ADGRL3: variants seen among roughly 807,000 people sequenced by gnomAD.
The protein encoded by ADGRL3 is calcium-independent alpha-latrotoxin receptor 3.
In ADGRL3, 62 loss-of-function variants were observed where a neutral mutation model predicts 153.5. The ratio of observed to expected loss-of-function variants is 0.40; its 90% CI spans 0.33 to 0.50. ADGRL3 has a LOEUF of 0.50. ADGRL3 is among the 20% of genes least tolerant of loss of function. ADGRL3 has a pLI of 0.47. For synonymous variants in ADGRL3, 710 were observed against 672.5 expected (o/e 1.06, Z -0.86); for missense variants, 1,641 against 1,859.4 (o/e 0.88, Z 2.16).
chr4:61,215,842 G>A (rs1023528375), intron 1 of ADGRL3, among the ~76,000 whole-genome samples: 1 of 151,944 alleles, frequency 6.6e-6, no homozygotes, highest in Non-Finnish European at 1.5e-5. Flanking sequence ...ATGAGCCACC[G>A]CGCTCGGCCT....
At chr4:62,032,629 T>C (rs1722741448) in intron 23 of ADGRL3, among the ~76,000 whole-genome samples, 1 of 151,664 alleles carries the variant, frequency 6.6e-6, no homozygotes, top group Non-Finnish European at 1.5e-5. Context: ...AGACTTATAA[T>C]TTTTCTTTGG....
chr4:61,299,892 A>G (rs1412426703), intron 1 of ADGRL3, among the ~76,000 whole-genome samples: 1 of 152,166 alleles, frequency 6.6e-6, no homozygotes, highest in East Asian at 1.9e-4. Context: ...AAAGTAGAAT[A>G]TACGCCATCT....
intron 2 of ADGRL3, among the ~76,000 whole-genome samples, chr4:61,383,846 G>C (rs1432477182): frequency 6.6e-6 from 1 of 151,556 alleles, no homozygotes; most frequent in Non-Finnish European, 1.5e-5. Context: ...GGCAAAACAG[G>C]CCCACATATT....
At chr4:61,770,632 A>C (rs1416705987) in intron 8 of ADGRL3, among the ~76,000 whole-genome samples, 4 of 152,154 alleles carry the variant, frequency 2.6e-5, no homozygotes, top group Non-Finnish European at 5.9e-5. Context: ...TGGGCTTTGA[A>C]TTGCTCCTAG....
chr4:61,483,425 C>G (rs1475053921), intron 2 of ADGRL3, among the ~76,000 whole-genome samples: 1 of 152,096 alleles, frequency 6.6e-6, no homozygotes, highest in Non-Finnish European at 1.5e-5. Context: ...CATAGACATT[C>G]TCTTGTGCTG....
intron 5 of ADGRL3, among the ~76,000 whole-genome samples, chr4:61,638,038 G>A (rs2093503036): frequency 6.6e-6 from 1 of 152,030 alleles, no homozygotes; most frequent in African/African-American, 2.4e-5. Context: ...TGAATCCTAA[G>A]TATTTATCTA....
chr4:61,748,839 C>G (rs2096710783), intron 8 of ADGRL3, among the ~76,000 whole-genome samples: 1 of 151,674 alleles, frequency 6.6e-6, no homozygotes, highest in Admixed American at 6.6e-5. Context: ...GCAATGGCAA[C>G]AAAAGCCAAA....
intron 6 of ADGRL3, among the ~76,000 whole-genome samples, chr4:61,716,203 G>C (rs1470287959): frequency 6.6e-6 from 1 of 151,968 alleles, no homozygotes; most frequent in African/African-American, 2.4e-5. Flanking sequence ...TCCTTCTTCT[G>C]TTATTGAAAG....
chr4:62,022,094 A>G (rs923505618), intron 21 of ADGRL3, among the ~76,000 whole-genome samples: 2 of 151,646 alleles, frequency 1.3e-5, no homozygotes, highest in Admixed American at 1.3e-4. Context: ...ATGCAAAGTA[A>G]GGTTCTTGAA....
intron 2 of ADGRL3, among the ~76,000 whole-genome samples, chr4:61,479,162 A>G (rs1393060215): frequency 6.6e-6 from 1 of 151,730 alleles, no homozygotes; most frequent in East Asian, 1.9e-4. Flanking sequence ...TGACATCTTG[A>G]CTCTTCAACA....
chr4:61,443,147 A>G lies in ADGRL3; in HGVS notation c.-173-53974A>G, dbSNP rs953307826. Among the ~76,000 whole-genome samples, 4 of 152,278 alleles carry G rather than the reference A, an allele frequency of 2.6e-5. No homozygotes were observed. The East Asian group carries it at 7.7e-4, about 29-fold the overall frequency. On this transcript the variant is annotated intron_variant, in intron 2 of 26. Coordinates refer to ENST00000683033, the MANE Select transcript of ADGRL3 (RefSeq NM_001387552.1). ...TCAATAGAGTCATGTAGCTTTCTCA[A>G]CTAACGGCCATTTAGTCCTTGTTTT...
chr4:61,844,335 A>C, intron 9 of ADGRL3, among the ~76,000 whole-genome samples: 1 of 150,780 alleles, frequency 6.6e-6, no homozygotes, highest in East Asian at 2.0e-4. Context: ...ATCACCTGAG[A>C]TCAGAAGTTC....
intron 4 of ADGRL3, among the ~76,000 whole-genome samples, chr4:61,523,907 A>T (rs2098545240): frequency 6.6e-6 from 1 of 152,116 alleles, no homozygotes; most frequent in African/African-American, 2.4e-5. Context: ...TTTCACAAAG[A>T]GTATGAATAA....
chr4:61,414,991 G>A (rs1312475081), intron 2 of ADGRL3, among the ~76,000 whole-genome samples: 1 of 151,774 alleles, frequency 6.6e-6, no homozygotes, highest in Admixed American at 6.6e-5. Flanking sequence ...GTTGGAAAAT[G>A]TGCAAACTAT....
At chr4:61,291,567 C>T (rs892053338) in intron 1 of ADGRL3, among the ~76,000 whole-genome samples, 18 of 134,364 alleles carry the variant, frequency 1.3e-4, no homozygotes, top group African/African-American at 5.6e-4. Context: ...TATATATATA[C>T]ATATATATAT....
chr4:61,881,294 A>T (rs992903041), intron 9 of ADGRL3, among the ~76,000 whole-genome samples: 1 of 152,230 alleles, frequency 6.6e-6, no homozygotes, highest in Non-Finnish European at 1.5e-5. Context: ...TGCATTCTTA[A>T]AAAGAAAAAT....
intron 2 of ADGRL3, among the ~76,000 whole-genome samples, chr4:61,470,061 C>A (rs892198423): frequency 6.6e-6 from 1 of 151,852 alleles, no homozygotes; most frequent in African/African-American, 2.4e-5. Flanking sequence ...TTCAGCATAT[C>A]CCTTGTAACT....
At chr4:61,756,624 C>T (rs1336062983) in intron 8 of ADGRL3, among the ~76,000 whole-genome samples, 1 of 152,070 alleles carries the variant, frequency 6.6e-6, no homozygotes, top group East Asian at 1.9e-4. Context: ...TTTCTCTTGC[C>T]TGATTGCCCT....
At chr4:61,762,249 AT>A (rs1214174814) in intron 8 of ADGRL3, among the ~76,000 whole-genome samples, 1 of 152,202 alleles carries the variant, frequency 6.6e-6, no homozygotes, top group Non-Finnish European at 1.5e-5. Context: ...ATTTCATAAA[AT>A]TTTTGAAACA....
Sources: allele counts gnomAD v4.1 joint callset (sites outside exome capture counted in the v4.1 genomes callset), GRCh38; gene constraint gnomAD v4.1.1; transcripts MANE v1.5; gene names NCBI Gene and HGNC (gene_info 2026-07-23, HGNC 2026-07-21).